CPB2: variants seen among roughly 807,000 people sequenced by gnomAD.
The protein encoded by CPB2 is carboxypeptidase B-like protein.
In CPB2, 54 loss-of-function variants were observed where a neutral mutation model predicts 57.0. That is an observed-to-expected ratio of 0.95 (90% CI 0.76 to 1.19). CPB2 has a LOEUF of 1.19. Among genes scored for constraint, CPB2 ranks in the 50% most tolerant of loss-of-function variants. The probability of loss-of-function intolerance (pLI) is 0.00; values close to 1 mark genes in which losing one functional copy is unlikely to be tolerated. For synonymous variants in CPB2, 189 were observed against 178.1 expected, an observed-to-expected ratio of 1.06 and a Z score of -0.49; for missense variants, 426 against 512.0, an observed-to-expected ratio of 0.83 and a Z score of 1.62.
chr13:46,055,199 C>T (rs1419832950), intron 10 of CPB2, among the ~76,000 whole-genome samples: 2 of 152,082 alleles, frequency 1.3e-5, no homozygotes, highest in Admixed American at 1.3e-4. Flanking sequence ...AGGGCAAAAT[C>T]AGTCTGTCCT....
chr13:46,082,069 G>A (rs2045126597), intron 4 of CPB2, among the ~76,000 whole-genome samples: 1 of 152,166 alleles, frequency 6.6e-6, no homozygotes, highest in Admixed American at 6.5e-5. Context: ...GAGCTAATCT[G>A]GTAATTAGTA....
intron 10 of CPB2, among the ~76,000 whole-genome samples, 199 bp downstream of exon 10, chr13:46,055,563 T>C (rs2044686017): frequency 6.6e-6 from 1 of 152,240 alleles, no homozygotes; most frequent in Non-Finnish European, 1.5e-5. Flanking sequence ...TTTTGGCTTC[T>C]TTTTAGTAAC....
intron 7 of CPB2, among the ~76,000 whole-genome samples, chr13:46,065,134 C>G (rs2044834319): frequency 2.0e-5 from 3 of 152,202 alleles, no homozygotes; most frequent in Non-Finnish European, 4.4e-5. Context: ...TGTGTCTCAA[C>G]TGAACGCTGA....
chr13:46,104,903 G>T, intron 1 of CPB2, 33 bp downstream of exon 1: 1 of 1,613,124 alleles, frequency 6.2e-7, no homozygotes, highest in South Asian at 1.1e-5. Context: ...TGAGGAGAGT[G>T]GCCCACCACA....
chr13:46,102,516 C>A (rs2045446623), intron 1 of CPB2, among the ~76,000 whole-genome samples: 1 of 108,434 alleles, frequency 9.2e-6, no homozygotes, highest in Admixed American at 1.1e-4. Context: ...TGAATAAAAA[C>A]TGTTAGTAGG....
At chr13:46,054,671 A>T (rs2044669390) in intron 10 of CPB2, among the ~76,000 whole-genome samples, 1 of 152,010 alleles carries the variant, frequency 6.6e-6, no homozygotes, top group South Asian at 2.1e-4. Context: ...ATCTCATGAA[A>T]GCTACAATTG....
chr13:46,079,434 T>C (rs1292212202), intron 4 of CPB2, among the ~76,000 whole-genome samples: 3 of 145,758 alleles, frequency 2.1e-5, no homozygotes, highest in African/African-American at 7.7e-5. Flanking sequence ...ACAAACAAAC[T>C]CAATTATCCC....
chr13:46,091,549 A>G (rs1363059755), intron 1 of CPB2, among the ~76,000 whole-genome samples: 1 of 152,220 alleles, frequency 6.6e-6, no homozygotes, highest in Non-Finnish European at 1.5e-5. Context: ...AAGAGTTTTT[A>G]TGATGAATAA....
intron 6 of CPB2, among the ~76,000 whole-genome samples, chr13:46,069,193 A>G (rs1447199024): frequency 6.6e-6 from 1 of 152,178 alleles, no homozygotes; most frequent in Non-Finnish European, 1.5e-5. Flanking sequence ...CTATTTCTTT[A>G]TCTAATAGGT....
intron 1 of CPB2, among the ~76,000 whole-genome samples, chr13:46,094,404 C>T (rs2045336873): frequency 6.6e-6 from 1 of 152,184 alleles, no homozygotes. Flanking sequence ...GGTATAGTCC[C>T]TTTCCTTTGT....
intron 2 of CPB2, among the ~76,000 whole-genome samples, chr13:46,085,756 C>G (rs2045193649): frequency 6.6e-6 from 1 of 152,174 alleles, no homozygotes; most frequent in Admixed American, 6.5e-5. Context: ...AACAAGGAGC[C>G]ATCAATTTTG....
rs1463144267 is a variant in CPB2 at position 46,055,762 on chromosome 13, A to G, written c.1087T>C (p.Tyr363His). 2 of 1,550,140 alleles carry G rather than the reference A, an allele frequency of 1.3e-6. No individual in the cohort carries two copies. The highest frequency in any genetic ancestry group is 2.3e-5 in the South Asian group (2 of 86,694). The part of the protein sequence containing the change: ...YTHGHGSETL[Y>H]LAPGGGDDWI... ...TAAGATCATAAGAAGAAATACTTAC[A>G]TAAGGTTTCTGAGCCATGGCCATGT... Residue 363 changes from tyrosine (Y) to histidine (H), a missense_variant and splice_region_variant, in exon 10 of 11, where the codon TAC (tyrosine) becomes CAC (histidine). Transcript: ENST00000181383.
chr13:46,091,882 G>C (rs558417577), intron 1 of CPB2, among the ~76,000 whole-genome samples: 1 of 152,208 alleles, frequency 6.6e-6, no homozygotes, highest in African/African-American at 2.4e-5. Flanking sequence ...AAGTGATAAG[G>C]AGAGAAAGGA....
At chr13:46,085,321 G>A (rs2045186259) in intron 2 of CPB2, among the ~76,000 whole-genome samples, 1 of 152,200 alleles carries the variant, frequency 6.6e-6, no homozygotes, top group Non-Finnish European at 1.5e-5. Context: ...AATCTCAGAT[G>A]CTTCCTCTTG....
In CPB2 at chr13:46,078,487, C is replaced by G. The variant is rs1361772596; in HGVS notation, c.486+313G>C. ...TCATCTAGAATTGAAGCCTTAACCC[C>G]CTAGAGACTGTATTTGGAGATAGGG... On this transcript the variant is annotated intron_variant, in intron 5 of 10. Coordinates refer to ENST00000181383, the MANE Select transcript of CPB2 (RefSeq NM_001872.5). Among the ~76,000 whole-genome samples, 3 of 151,988 alleles carry G rather than the reference C, an allele frequency of 2.0e-5. No homozygotes were observed. The East Asian group carries it at 5.8e-4, about 29-fold the overall frequency.
intron 8 of CPB2, among the ~76,000 whole-genome samples, 175 bp from the exon 9 acceptor site, chr13:46,058,556 A>G (rs1188354604): frequency 6.6e-6 from 1 of 152,188 alleles, no homozygotes; most frequent in Admixed American, 6.5e-5. Flanking sequence ...TTGAAGTCAA[A>G]TACTTATCTG....
chr13:46,063,407 G>A (rs936741084), intron 8 of CPB2, among the ~76,000 whole-genome samples: 2 of 152,104 alleles, frequency 1.3e-5, no homozygotes, highest in African/African-American at 4.8e-5. Context: ...ACTTATAAGT[G>A]AGACCATACA....
chr13:46,084,331 GC>G lies in CPB2; in HGVS notation c.162del (p.Trp54CysfsTer4). Reference sequence around the variant, plus strand: ...ACAATAAGGTCAGCTGTTACCGGCTGCCAGAGAACAATCTACAGTTTAAGGG... The same window carrying G: ...ACAATAAGGTCAGCTGTTACCGGCTGCAGAGAACAATCTACAGTTTAAGGG... ...NLTTTYEIVL[W>X]QPVTADLIVK... On this transcript the variant is annotated frameshift_variant, in exon 3 of 11. Coordinates refer to ENST00000181383, the MANE Select transcript of CPB2 (RefSeq NM_001872.5). LOFTEE classifies it high-confidence loss of function. 6.2e-7 allele frequency: 1 copy of G among 1,614,088 alleles called. No individual in the cohort carries two copies. The highest frequency in any genetic ancestry group is 1.1e-5 in the South Asian group (1 of 91,064).
chr13:46,078,932 G>A (rs1423765246), intron 4 of CPB2, 31 bp from the exon 5 acceptor site: 18 of 1,389,106 alleles, frequency 1.3e-5, no homozygotes, highest in East Asian at 6.8e-5. Context: ...GGTTAGTCAC[G>A]AAGCCAAGTT....
Sources: allele counts gnomAD v4.1 joint callset (sites outside exome capture counted in the v4.1 genomes callset), GRCh38; gene constraint gnomAD v4.1.1; transcripts MANE v1.5; gene names NCBI Gene and HGNC (gene_info 2026-07-23, HGNC 2026-07-21).